The following PCDH7 variants were observed in gnomAD, a reference collection of about 807,000 sequenced individuals.
The protein encoded by PCDH7 is protocadherin 7.
A neutral mutation model predicts 58.9 loss-of-function variants in PCDH7; 17 were observed. The observed-to-expected ratio is 0.29, with a 90% CI of 0.20 to 0.43. The LOEUF is 0.43. Among genes scored for constraint, PCDH7 ranks in the 20% least tolerant of loss-of-function variants. PCDH7 has a pLI of 1.00. For synonymous variants in PCDH7, 664 were observed against 616.4 expected, an observed-to-expected ratio of 1.08 and a Z score of -1.14; for missense variants, 1,274 against 1,441.0, an observed-to-expected ratio of 0.88 and a Z score of 1.88.
At chr4:30,823,532 A>G (rs1245891118) in intron 1 of PCDH7, among the ~76,000 whole-genome samples, 1 of 152,130 alleles carries the variant, frequency 6.6e-6, no homozygotes, top group African/African-American at 2.4e-5. Context: ...TGACAGCCAG[A>G]TACTGCTGAG....
At chr4:30,729,410 A>G (rs549723787) in intron 1 of PCDH7, among the ~76,000 whole-genome samples, 1 of 152,098 alleles carries the variant, frequency 6.6e-6, no homozygotes, top group East Asian at 1.9e-4. Context: ...GGAAAATATA[A>G]TTCAAAATTT....
At chr4:30,960,531 T>C (rs939342862) in intron 3 of PCDH7, among the ~76,000 whole-genome samples, 1 of 152,200 alleles carries the variant, frequency 6.6e-6, no homozygotes, top group Non-Finnish European at 1.5e-5. Context: ...ACAATAATCA[T>C]GGAAAAGATC....
intron 2 of PCDH7, among the ~76,000 whole-genome samples, chr4:30,941,110 T>A (rs1346874316): frequency 6.6e-6 from 1 of 151,958 alleles, no homozygotes; most frequent in Non-Finnish European, 1.5e-5. Flanking sequence ...AAAATAATTT[T>A]AAAAAAATTT....
At chr4:30,854,611 G>T (rs1206812165) in intron 1 of PCDH7, among the ~76,000 whole-genome samples, 1 of 151,952 alleles carries the variant, frequency 6.6e-6, no homozygotes, top group African/African-American at 2.4e-5. Flanking sequence ...AAGTCCTCGA[G>T]GGATGGTCTT....
Position 30,721,683 on chromosome 4 carries a change from C to T in PCDH7, c.261C>T (p.Ser87=), listed in dbSNP as rs766744645. 1.9e-6 allele frequency: 3 copies of T among 1,613,842 alleles called. No individual in the cohort carries two copies. The South Asian group carries it at 3.3e-5, about 18-fold the overall frequency. The change falls in exon 1 of 2, where the codon AGC becomes AGT. Residue 87 remains serine (S), a synonymous_variant. Transcript: ENST00000361762. This position sits in a 1 kb window ranked among gnomAD's most constrained non-coding sequence, Gnocchi z 6.7. ...ACCTCACTGGCGAGCTGAGCACGAG[C>T]GAGCGGCGCATCGACCGCGAGAAGC...
At chr4:30,877,423 A>G (rs898945929) in intron 1 of PCDH7, among the ~76,000 whole-genome samples, 1 of 152,208 alleles carries the variant, frequency 6.6e-6, no homozygotes, top group African/African-American at 2.4e-5. Context: ...AGAGATGGGC[A>G]GTAAGAAGAG....
chr4:30,784,564 A>G (rs1222582493), intron 1 of PCDH7, among the ~76,000 whole-genome samples: 1 of 152,136 alleles, frequency 6.6e-6, no homozygotes, highest in African/African-American at 2.4e-5. Flanking sequence ...TTAAAAGTGT[A>G]AATCAGGTCC....
At chr4:31,002,724 T>C (rs1027028513) in intron 3 of PCDH7, among the ~76,000 whole-genome samples, 2 of 152,218 alleles carry the variant, frequency 1.3e-5, no homozygotes, top group Non-Finnish European at 2.9e-5. Context: ...TATTCTAAGT[T>C]CAACTTAATA....
intron 3 of PCDH7, among the ~76,000 whole-genome samples, chr4:31,067,080 G>A (rs2109246601): frequency 6.6e-6 from 1 of 152,004 alleles, no homozygotes; most frequent in Non-Finnish European, 1.5e-5. Flanking sequence ...AGTTTTAGTT[G>A]TTTCATCTAG....
At chr4:31,128,504 A>C (rs987928633) in intron 3 of PCDH7, among the ~76,000 whole-genome samples, 1 of 152,146 alleles carries the variant, frequency 6.6e-6, no homozygotes, top group Non-Finnish European at 1.5e-5. Context: ...GAAAATTTTC[A>C]TCTATGGAAT....
intron 3 of PCDH7, among the ~76,000 whole-genome samples, chr4:31,075,249 T>G (rs1758889592): frequency 6.6e-6 from 1 of 152,174 alleles, no homozygotes; most frequent in Non-Finnish European, 1.5e-5. Flanking sequence ...AAGTGGTTCT[T>G]TTGCATGGTA....
chr4:30,875,489 G>A (rs924387228), intron 1 of PCDH7, among the ~76,000 whole-genome samples: 1 of 152,074 alleles, frequency 6.6e-6, no homozygotes, highest in African/African-American at 2.4e-5. Flanking sequence ...TTAGAGCTTA[G>A]AAATGAGAGA....
chr4:30,994,456 C>A (rs1242582458), intron 3 of PCDH7, among the ~76,000 whole-genome samples: 1 of 152,080 alleles, frequency 6.6e-6, no homozygotes, highest in Non-Finnish European at 1.5e-5. Flanking sequence ...TCGTTCTGTA[C>A]CACAAAAATC....
At chr4:30,803,985 A>G (rs1330960886) in intron 1 of PCDH7, among the ~76,000 whole-genome samples, 2 of 152,188 alleles carry the variant, frequency 1.3e-5, no homozygotes, top group Admixed American at 6.5e-5. Flanking sequence ...CAGTTTTCTC[A>G]AGCCCTTTTA....
chr4:31,024,451 C>A (rs988944999), intron 3 of PCDH7, among the ~76,000 whole-genome samples: 4 of 152,012 alleles, frequency 2.6e-5, no homozygotes, highest in Non-Finnish European at 4.4e-5. Context: ...TTATTCTTGT[C>A]ATTTCTATTT....
chr4:30,793,200 T>C (rs111604102), intron 1 of PCDH7, among the ~76,000 whole-genome samples: 28 of 152,250 alleles, frequency 1.8e-4, no homozygotes, highest in African/African-American at 6.0e-4. Flanking sequence ...AGTGATTGTA[T>C]TCAAATTAAC....
chr4:30,946,169 A>G (rs1335340700), intron 2 of PCDH7, among the ~76,000 whole-genome samples: 3 of 152,144 alleles, frequency 2.0e-5, no homozygotes, highest in African/African-American at 2.4e-5. Flanking sequence ...GACCTTACTG[A>G]TAGGATAAGG....
intron 1 of PCDH7, among the ~76,000 whole-genome samples, chr4:30,791,065 CA>C (rs1382460538): frequency 1.3e-5 from 2 of 152,168 alleles, no homozygotes; most frequent in Admixed American, 1.3e-4. Context: ...TAATTTGTGT[CA>C]AAAAACATTT....
intron 1 of PCDH7, among the ~76,000 whole-genome samples, chr4:30,763,690 A>G (rs1468537560): frequency 6.6e-6 from 1 of 152,200 alleles, no homozygotes; most frequent in Non-Finnish European, 1.5e-5. Context: ...ATCCCTTTTC[A>G]TTAATGATGA....
Sources: allele counts gnomAD v4.1 joint callset (sites outside exome capture counted in the v4.1 genomes callset), GRCh38; gene constraint gnomAD v4.1.1; non-coding constraint Gnocchi (gnomAD v3.1); transcripts MANE v1.5; gene names NCBI Gene and HGNC (gene_info 2026-07-23, HGNC 2026-07-21).